CCNB3: variants seen among roughly 807,000 people sequenced by gnomAD.
CCNB3 encodes cyclin B3.
In CCNB3, 12 loss-of-function variants were observed where a neutral mutation model predicts 68.0. That is an observed-to-expected ratio of 0.18 (90% CI 0.11 to 0.29). CCNB3 has a LOEUF of 0.29. CCNB3 is among the 10% of genes least tolerant of loss of function. The probability of loss-of-function intolerance (pLI) is 1.00; values close to 1 mark genes in which losing one functional copy is unlikely to be tolerated. For missense variants in CCNB3, 904 were observed against 993.1 expected (o/e 0.91, Z 1.21); for synonymous variants, 354 against 388.9 (o/e 0.91, Z 1.06).
intron 8 of CCNB3, among the ~76,000 whole-genome samples, chrX:50,331,682 CA>C (rs782185397): frequency 9.0e-6 from 1 of 111,685 alleles, no homozygotes; most frequent in East Asian, 2.8e-4. Context: ...CGGCTAATTG[CA>C]AAAACAAATT....
intron 11 of CCNB3, among the ~76,000 whole-genome samples, chrX:50,349,035 C>A (rs902465460): frequency 1.1e-4 from 12 of 112,899 alleles, no homozygotes; most frequent in Non-Finnish European, 2.2e-4. Flanking sequence ...TAAATGTCAG[C>A]CCGAATCTGA....
rs146534006 is a variant in CCNB3 at position 50,347,148 on chromosome X, G to A, written c.3810+341G>A. On this transcript the variant is annotated intron_variant, in intron 10 of 12. Coordinates refer to ENST00000376042, the MANE Select transcript of CCNB3 (RefSeq NM_033031.3). Reference sequence around the variant, plus strand: ...TTCTTTGCCTGAGTATTGGTTACAAGGGAGGTCACTTTATAATTCATTGTA... The same window carrying A: ...TTCTTTGCCTGAGTATTGGTTACAAAGGAGGTCACTTTATAATTCATTGTA... Among the ~76,000 whole-genome samples the A allele has an allele frequency of 6.3e-3, 705 of 111,721 alleles. 5 individuals carry two copies. Among genetic ancestry groups the A allele is most frequent in the Middle Eastern group, 0.046 (10 of 217 alleles).
At chrX:50,226,993 A>G (rs1935858217) in intron 1 of CCNB3, among the ~76,000 whole-genome samples, 3 of 78,572 alleles carry the variant, frequency 3.8e-5, no homozygotes, top group African/African-American at 1.0e-4. Flanking sequence ...TATATAGAAT[A>G]TATAAATATA....
At chrX:50,323,994 G>C (rs190064410) in intron 8 of CCNB3, among the ~76,000 whole-genome samples, 1 of 112,096 alleles carries the variant, frequency 8.9e-6, no homozygotes, top group East Asian at 2.8e-4. Flanking sequence ...TGCCCTTCTT[G>C]AGTCATTTTT....
At chrX:50,342,427 ATG>A in intron 9 of CCNB3, 88 bp downstream of exon 9, 6 of 921,777 alleles carry the variant, frequency 6.5e-6, no homozygotes, top group Non-Finnish European at 8.9e-6. Context: ...ATTCATTGTT[ATG>A]TGCTGCATAA....
At chrX:50,223,310 G>A (rs959762564) in intron 1 of CCNB3, among the ~76,000 whole-genome samples, 34 of 111,218 alleles carry the variant, frequency 3.1e-4, no homozygotes, top group Non-Finnish European at 3.4e-4. Context: ...CCTTGCTGGC[G>A]AGGAGCTGTG....
intron 1 of CCNB3, among the ~76,000 whole-genome samples, chrX:50,218,979 G>C (rs1174421043): frequency 8.9e-6 from 1 of 111,812 alleles, no homozygotes; most frequent in Non-Finnish European, 1.9e-5. Context: ...ACTGGCATGA[G>C]ATGGTATCTC....
At chrX:50,223,828 C>A (rs1483585695) in intron 1 of CCNB3, among the ~76,000 whole-genome samples, 2 of 111,751 alleles carry the variant, frequency 1.8e-5, no homozygotes, top group African/African-American at 6.5e-5. Flanking sequence ...TCAGAGCCAG[C>A]AGGCAGGAAC....
At chrX:50,297,255 G>C (rs1233992975) in intron 5 of CCNB3, among the ~76,000 whole-genome samples, 3 of 111,476 alleles carry the variant, frequency 2.7e-5, no homozygotes, top group Non-Finnish European at 5.7e-5. Flanking sequence ...GGGTTTTTAT[G>C]GTTTTAGGTC....
chrX:50,281,556 G>A (rs373429085), intron 1 of CCNB3, among the ~76,000 whole-genome samples: 1 of 110,971 alleles, frequency 9.0e-6, no homozygotes, highest in Non-Finnish European at 1.9e-5. Flanking sequence ...GATGCGCGGC[G>A]TTCCTGTAAG....
intron 1 of CCNB3, among the ~76,000 whole-genome samples, chrX:50,280,016 T>C (rs1413069317): frequency 1.2e-5 from 1 of 83,545 alleles, no homozygotes; most frequent in Admixed American, 1.6e-4. Context: ...TATATAAATA[T>C]ATAGAATATA....
rs1362476874 is a variant in CCNB3, at chrX:50,279,967, T to C, written c.-112-4575T>C. On this transcript the variant is annotated intron_variant, in intron 1 of 12. Coordinates refer to ENST00000376042, the MANE Select transcript of CCNB3 (RefSeq NM_033031.3). ...AATATATATAGAATATATGAGTATA[T>C]ATATAATATATGTAGAATATATGAA... Among the ~76,000 whole-genome samples the C allele has an allele frequency of 3.2e-4, 27 of 84,112 alleles. 1 individual carries two copies. The South Asian group carries it at 0.015, about 45-fold the overall frequency. 73.0% of individuals were successfully genotyped at this position (84,112 alleles called of 115,157 possible). A position where few individuals can be genotyped will look rare whatever the true frequency, so the allele number is the denominator to read the frequency against.
chrX:50,228,919 A>G lies in CCNB3; in HGVS notation c.-113+23969A>G, dbSNP rs1209743836. Reference sequence around the variant, plus strand: ...TATAGAATATATATATAGAATATATATAAATACATATAAATATATGTAGAA... The same window carrying G: ...TATAGAATATATATATAGAATATATGTAAATACATATAAATATATGTAGAA... On this transcript the variant is annotated intron_variant, in intron 1 of 12. Coordinates refer to ENST00000376042, the MANE Select transcript of CCNB3 (RefSeq NM_033031.3). Among the ~76,000 whole-genome samples the G allele has an allele frequency of 6.7e-5, 4 of 59,952 alleles. No homozygotes were observed. The South Asian group carries it at 3.4e-3, about 51-fold the overall frequency. 52.1% of individuals were successfully genotyped at this position (59,952 alleles called of 115,157 possible).
rs1923693564 is a variant in CCNB3 at position 50,351,736 on chromosome X, A to G, written c.*33A>G. On this transcript the variant is annotated 3_prime_UTR_variant, in exon 13 of 13. Coordinates refer to ENST00000376042, the MANE Select transcript of CCNB3 (RefSeq NM_033031.3). ...CACAGGGCTAAGCATGCATGTTAAC[A>G]GGGTATATTTATTCTATGTTCGAAT... is the stretch of plus-strand genomic sequence containing the variant. The G allele has an allele frequency of 9.6e-7, 1 of 1,044,905 alleles. No homozygotes were observed. Among genetic ancestry groups the G allele is most frequent in the African/African-American group, 1.9e-5 (1 of 53,757 alleles). 86.1% of individuals were successfully genotyped at this position (1,044,905 alleles called of 1,213,427 possible).
At chrX:50,226,205 T>TATATATTTATATATATAGAATAC (rs1935771228) in intron 1 of CCNB3, among the ~76,000 whole-genome samples, 1 of 65,717 alleles carries the variant, frequency 1.5e-5, no homozygotes. Flanking sequence ...ATATAGAATA[T>TATATATTTATATATATAGAATAC]ATATATTTAT....
chrX:50,295,586 T>C (rs1199062385), intron 5 of CCNB3, among the ~76,000 whole-genome samples: 1 of 111,692 alleles, frequency 9.0e-6, no homozygotes, highest in East Asian at 2.8e-4. Flanking sequence ...CTAACTAATC[T>C]ACATCTGAAT....
intron 5 of CCNB3, among the ~76,000 whole-genome samples, chrX:50,299,890 G>A (rs1432513699): frequency 9.0e-6 from 1 of 111,306 alleles, no homozygotes; most frequent in Non-Finnish European, 1.9e-5. Flanking sequence ...TTATGTAATG[G>A]CCTTCTTTGT....
chrX:50,284,977 A>T, intron 2 of CCNB3, 150 bp from the exon 3 acceptor site: 1 of 426,670 alleles, frequency 2.3e-6, no homozygotes, highest in African/African-American at 2.4e-5. Flanking sequence ...GTTAATTGTG[A>T]TAAAACCAAG....
chrX:50,288,811 C>T lies in CCNB3; in HGVS notation c.128C>T (p.Pro43Leu). 8.3e-7 allele frequency: 1 copy of T among 1,207,344 alleles called. No individual in the cohort carries two copies. Among genetic ancestry groups the T allele is most frequent in the Non-Finnish European group, 1.1e-6 (1 of 892,152 alleles). Residue 43 changes from proline to leucine, a missense_variant, in exon 4 of 13, where the codon CCA becomes CTA. Transcript: ENST00000376042. The stretch of plus-strand genomic sequence containing the variant: ...GAGAATTGCCAAACGAAGATATCTC[C>T]ATCTTCACTTCAGGAGTCTCCATCT... ...TGENCQTKIS[P>L]SSLQESPSSL...
Sources: gnomAD v4.1 joint callset for allele counts (sites outside exome capture counted in the v4.1 genomes callset) on GRCh38, gnomAD v4.1.1 for gene constraint, MANE v1.5 for transcripts, NCBI Gene and HGNC (gene_info 2026-07-23, HGNC 2026-07-21) for gene names.